The following FAM117B variants were observed in gnomAD, a reference collection of about 807,000 sequenced individuals.
FAM117B encodes protein FAM117B.
FAM117B carries 22 observed loss-of-function variants against 52.8 expected under a neutral mutation model. The observed-to-expected ratio is 0.42, with a 90% CI of 0.30 to 0.59. The LOEUF is 0.59. Ranked by LOEUF, FAM117B falls within the 20% of genes least tolerant of loss-of-function variation. FAM117B has a pLI of 0.22. For missense variants in FAM117B, 678 were observed against 802.6 expected (o/e 0.84, Z 1.88); for synonymous variants, 309 against 324.1 (o/e 0.95, Z 0.50).
intron 4 of FAM117B, among the ~76,000 whole-genome samples, chr2:202,730,896 T>C (rs1202013517): frequency 6.6e-6 from 1 of 152,166 alleles, no homozygotes; most frequent in Non-Finnish European, 1.5e-5. Context: ...AGTAGATAAA[T>C]TGTACTTTAT....
At chr2:202,720,038 T>G (rs1691126217) in intron 2 of FAM117B, among the ~76,000 whole-genome samples, 1 of 152,194 alleles carries the variant, frequency 6.6e-6, no homozygotes, top group African/African-American at 2.4e-5. Flanking sequence ...CAGAACCCTT[T>G]GTAACTAATA....
Position 202,652,596 on chromosome 2 carries a change from C to T in FAM117B, c.601+16808C>T, listed in dbSNP as rs575162375. Reference sequence around the variant, plus strand: ...CTTCATGACAAAAGCCTGATATGGCCGTATGTGGCTCTATCTTGAGTCAGA... The same window carrying T: ...CTTCATGACAAAAGCCTGATATGGCTGTATGTGGCTCTATCTTGAGTCAGA... On this transcript the variant is annotated intron_variant, in intron 1 of 7. Coordinates refer to ENST00000392238, the MANE Select transcript of FAM117B (RefSeq NM_173511.4). Among the ~76,000 whole-genome samples the T allele has an allele frequency of 3.3e-5, 5 of 152,206 alleles. No homozygotes were observed. In the South Asian group the frequency reaches 8.3e-4, roughly 25 times the overall value.
chr2:202,696,589 A>G (rs1395109051), intron 2 of FAM117B, among the ~76,000 whole-genome samples: 1 of 152,192 alleles, frequency 6.6e-6, no homozygotes, highest in Non-Finnish European at 1.5e-5. Context: ...AAAATTTGTA[A>G]CAGCAAAGAT....
chr2:202,761,420 G>A (rs1691885794), intron 7 of FAM117B, among the ~76,000 whole-genome samples: 1 of 152,184 alleles, frequency 6.6e-6, no homozygotes, highest in Admixed American at 6.5e-5. Flanking sequence ...TATCTTTAAA[G>A]GGAGAGAAGA....
chr2:202,660,798 A>G (rs969246772), intron 1 of FAM117B, among the ~76,000 whole-genome samples: 2 of 152,228 alleles, frequency 1.3e-5, no homozygotes, highest in Non-Finnish European at 2.9e-5. Context: ...TTCCAGTTAC[A>G]GAGCCTCAGT....
Position 202,757,406 on chromosome 2 carries a change from C to CG in FAM117B, c.1300dup (p.Asp434GlyfsTer2). On this transcript the variant is annotated frameshift_variant, in exon 6 of 8. Coordinates refer to ENST00000392238, the MANE Select transcript of FAM117B (RefSeq NM_173511.4). LOFTEE classifies it high-confidence loss of function. The stretch of plus-strand genomic sequence containing the variant: ...GGTAGCGAGGAGAGTCCTTGCTCAG[C>CG]GGATGACCTGCTTGTTGATCCCAGA... 6.2e-7 allele frequency: 1 copy of CG among 1,614,048 alleles called. No individual in the cohort carries two copies. Among genetic ancestry groups the CG allele is most frequent in the Non-Finnish European group, 8.5e-7 (1 of 1,180,006 alleles).
At chr2:202,667,462 C>CTGTGTGTGTGTGTCTGTG (rs1559097962) in intron 1 of FAM117B, among the ~76,000 whole-genome samples, 2 of 151,466 alleles carry the variant, frequency 1.3e-5, no homozygotes, top group Non-Finnish European at 3.0e-5. Context: ...GTCTGTGTGT[C>CTGTGTGTGTGTGTCTGTG]TGTGTGTGTG....
chr2:202,637,528 A>G (rs1689707431), intron 1 of FAM117B, among the ~76,000 whole-genome samples: 1 of 152,196 alleles, frequency 6.6e-6, no homozygotes, highest in Non-Finnish European at 1.5e-5. Flanking sequence ...AAGTGCTAGG[A>G]TTGCCCAGCC....
At chr2:202,733,929 C>T (rs970521859) in intron 4 of FAM117B, among the ~76,000 whole-genome samples, 2 of 152,104 alleles carry the variant, frequency 1.3e-5, no homozygotes, top group Non-Finnish European at 2.9e-5. Flanking sequence ...GATAAATGTC[C>T]ATGAAATCTT....
chr2:202,716,461 T>C (rs1691058572), intron 2 of FAM117B, among the ~76,000 whole-genome samples: 1 of 152,208 alleles, frequency 6.6e-6, no homozygotes, highest in African/African-American at 2.4e-5. Context: ...CCTTCTTTCC[T>C]TCCTTCCTGT....
chr2:202,715,599 T>G (rs1475755443), intron 2 of FAM117B, among the ~76,000 whole-genome samples: 1 of 137,614 alleles, frequency 7.3e-6, no homozygotes, highest in African/African-American at 2.8e-5. Context: ...CTTCCCAGAC[T>G]GGGCAGCCAG....
chr2:202,673,487 G>A (rs1476638347), intron 1 of FAM117B, among the ~76,000 whole-genome samples: 1 of 104,664 alleles, frequency 9.6e-6, no homozygotes, highest in Non-Finnish European at 1.7e-5. Context: ...TTGCTCTGTC[G>A]TCCAGGCTGG....
intron 1 of FAM117B, among the ~76,000 whole-genome samples, chr2:202,647,030 A>C (rs1689879296): frequency 6.6e-6 from 1 of 152,138 alleles, no homozygotes; most frequent in Non-Finnish European, 1.5e-5. Context: ...TCTTGAAATT[A>C]ATCTCTTCCC....
chr2:202,694,781 G>C (rs1029368682), intron 1 of FAM117B, among the ~76,000 whole-genome samples: 1 of 151,918 alleles, frequency 6.6e-6, no homozygotes, highest in Non-Finnish European at 1.5e-5. Flanking sequence ...TTAATCTTTT[G>C]GGCTGGTACT....
intron 1 of FAM117B, among the ~76,000 whole-genome samples, chr2:202,663,651 T>TTGG (rs1480853666): frequency 6.6e-6 from 1 of 151,472 alleles, no homozygotes; most frequent in Non-Finnish European, 1.5e-5. Flanking sequence ...TGGCGCGATC[T>TTGG]TGGCTCACTG....
rs1024622387 is a variant in FAM117B at position 202,768,152 on chromosome 2, TC to T, written c.*2390del. 5 of 152,238 alleles carry T rather than the reference TC, an allele frequency of 3.3e-5. No individual in the cohort carries two copies. Among genetic ancestry groups the T allele is most frequent in the African/African-American group, 7.2e-5 (3 of 41,468 alleles). The allele number at this position is 152,238 out of a possible 1,614,324, so 9.4% of individuals were successfully genotyped here. A position where few individuals can be genotyped will look rare whatever the true frequency, so the allele number is the denominator to read the frequency against. ...AAATCTGTGTTCTTGGCCTTGCACT[TC>T]CGTTCCTCTTCCATCTCTATCCCTG... On this transcript the variant is annotated 3_prime_UTR_variant, in exon 8 of 8. Transcript: ENST00000392238.
At chr2:202,721,563 C>T (rs190850709) in intron 2 of FAM117B, among the ~76,000 whole-genome samples, 30 of 152,188 alleles carry the variant, frequency 2.0e-4, no homozygotes, top group Admixed American at 6.5e-4. Context: ...TTCTTGGCAC[C>T]GTGCTTAAAA....
At chr2:202,642,990 C>T (rs1212010206) in intron 1 of FAM117B, among the ~76,000 whole-genome samples, 6 of 152,120 alleles carry the variant, frequency 3.9e-5, no homozygotes, top group South Asian at 2.1e-4. Context: ...TTTCAAATGT[C>T]GTGAAGTAGG....
chr2:202,712,122 A>C (rs1175967915), intron 2 of FAM117B, among the ~76,000 whole-genome samples: 1 of 152,058 alleles, frequency 6.6e-6, no homozygotes, highest in East Asian at 1.9e-4. Context: ...AAATCTGTAG[A>C]TTGCTTTGGC....
Sources: gnomAD v4.1 joint callset for allele counts (sites outside exome capture counted in the v4.1 genomes callset) on GRCh38, gnomAD v4.1.1 for gene constraint, MANE v1.5 for transcripts, NCBI Gene and HGNC (gene_info 2026-07-23, HGNC 2026-07-21) for gene names.